The following NRG2 variants were observed in gnomAD, a reference collection of about 807,000 sequenced individuals.
The protein encoded by NRG2 is pro-neuregulin-2, membrane-bound isoform.
In NRG2, 27 loss-of-function variants were observed where a neutral mutation model predicts 73.9. That is an observed-to-expected ratio of 0.37 (90% CI 0.27 to 0.50). The LOEUF (loss-of-function observed/expected upper bound fraction) is 0.50. Among genes scored for constraint, NRG2 ranks in the 20% least tolerant of loss-of-function variants. The pLI, the probability that NRG2 is intolerant of heterozygous loss-of-function variation, is 0.96. For synonymous variants in NRG2, 532 were observed against 541.0 expected (o/e 0.98, Z 0.23); for missense variants, 1,126 against 1,210.1 (o/e 0.93, Z 1.03).
chr5:139,921,503 T>G (rs1190773085), intron 1 of NRG2, among the ~76,000 whole-genome samples: 1 of 151,870 alleles, frequency 6.6e-6, no homozygotes, highest in Non-Finnish European at 1.5e-5. Flanking sequence ...GCAAAGATAA[T>G]CTTTACACCC....
In NRG2 at chr5:139,859,916, G is replaced by T. The variant is rs575634275; in HGVS notation, c.1190-4138C>A. ...TTTAATTCAAATCCAAGGTGCTCTG[G>T]CAGTGCAGAAGAGCGAGGGTCACAA... On this transcript the variant is annotated intron_variant, in intron 5 of 9. Coordinates refer to ENST00000361474, the MANE Select transcript of NRG2 (RefSeq NM_004883.3). 66 of 1,607,136 alleles carry T rather than the reference G, an allele frequency of 4.1e-5. No individual in the cohort carries two copies. The African/African-American group carries it at 8.7e-4, about 21-fold the overall frequency.
At chr5:139,946,272 A>G (rs1753794052) in intron 1 of NRG2, among the ~76,000 whole-genome samples, 1 of 152,184 alleles carries the variant, frequency 6.6e-6, no homozygotes, top group Non-Finnish European at 1.5e-5. Context: ...GAAACAGATC[A>G]ATAGAATAAA....
chr5:139,854,441 A>G (rs1415447948), intron 6 of NRG2, among the ~76,000 whole-genome samples: 1 of 152,232 alleles, frequency 6.6e-6, no homozygotes, highest in Non-Finnish European at 1.5e-5. Flanking sequence ...CTGAGGCAGG[A>G]CCTGGTGTCC....
At chr5:139,981,088 C>A (rs1040094289) in intron 1 of NRG2, among the ~76,000 whole-genome samples, 2 of 152,174 alleles carry the variant, frequency 1.3e-5, no homozygotes, top group Admixed American at 6.5e-5. Context: ...GTGACTGATA[C>A]AGAGATGAGG....
intron 1 of NRG2, among the ~76,000 whole-genome samples, chr5:140,022,249 T>C (rs1012270958): frequency 1.6e-4 from 24 of 152,194 alleles, no homozygotes; most frequent in African/African-American, 5.8e-4. Flanking sequence ...TACTACCCAC[T>C]ACCAAAATCC....
intron 1 of NRG2, among the ~76,000 whole-genome samples, chr5:140,014,229 C>A (rs1373613307): frequency 7.0e-6 from 1 of 142,980 alleles, no homozygotes. Flanking sequence ...GGTAAAAAAG[C>A]TTGGATTTTT....
At chr5:139,861,787 A>G (rs754706709) in intron 5 of NRG2, 129 of 512,880 alleles carry the variant, frequency 2.5e-4, no homozygotes, top group Admixed American at 2.5e-3. Context: ...CCTCTCACTG[A>G]GTAGTTAATG....
At chr5:140,002,654 C>A (rs1758578939) in intron 1 of NRG2, among the ~76,000 whole-genome samples, 1 of 152,198 alleles carries the variant, frequency 6.6e-6, no homozygotes, top group Non-Finnish European at 1.5e-5. Context: ...GCAAGTGAGC[C>A]TTCAGTCATC....
chr5:139,952,537 C>T (rs953599838), intron 1 of NRG2, among the ~76,000 whole-genome samples: 3 of 152,152 alleles, frequency 2.0e-5, no homozygotes, highest in Non-Finnish European at 4.4e-5. Flanking sequence ...GGAGAAGGCT[C>T]CAGATTCATA....
At chr5:139,907,924 C>T (rs1462859778) in intron 1 of NRG2, among the ~76,000 whole-genome samples, 1 of 152,270 alleles carries the variant, frequency 6.6e-6, no homozygotes, top group African/African-American at 2.4e-5. Context: ...GGGACACGTA[C>T]TATCTGCCTC....
rs776204362 is a variant in NRG2 at position 140,042,533 on chromosome 5, C to T, written c.537G>A (p.Val179=). ...GCGGCACACAGGAGCCCACGCTGAT[C>T]ACCTGCTCGCGCTGCAGCCCCCCGC... ...LRSGGLQREQ[V]ISVGSCVPLE... Residue 179 remains valine, a synonymous_variant, in exon 1 of 10, where the codon GTG becomes GTA. Transcript: ENST00000361474. 2.5e-5 allele frequency: 41 copies of T among 1,612,860 alleles called. No homozygotes were observed. Among genetic ancestry groups the T allele is most frequent in the Non-Finnish European group, 3.4e-5 (40 of 1,179,566 alleles).
intron 5 of NRG2, among the ~76,000 whole-genome samples, chr5:139,857,214 C>T (rs943092850): frequency 3.9e-5 from 6 of 152,192 alleles, no homozygotes; most frequent in East Asian, 1.9e-4. Flanking sequence ...TCTTTTCTAC[C>T]GACTGGGAAG....
chr5:139,938,896 GAAA>G (rs1753090744), intron 1 of NRG2, among the ~76,000 whole-genome samples: 1 of 70,182 alleles, frequency 1.4e-5, no homozygotes, highest in Non-Finnish European at 2.7e-5. Flanking sequence ...AAGAAAGAAA[GAAA>G]GAAAGAAAAG....
intron 1 of NRG2, among the ~76,000 whole-genome samples, chr5:140,002,782 A>C (rs1193637152): frequency 8.5e-5 from 13 of 152,206 alleles, no homozygotes; most frequent in Admixed American, 8.5e-4. Flanking sequence ...CAAGGGTGGA[A>C]GCAGAGAGAC....
chr5:139,860,528 G>A (rs573162536), intron 5 of NRG2, among the ~76,000 whole-genome samples: 1 of 152,268 alleles, frequency 6.6e-6, no homozygotes, highest in South Asian at 2.1e-4. Context: ...AAGAGGATGA[G>A]GCTCCAGATA....
rs139548722 is a variant in NRG2 at position 139,947,832 on chromosome 5, T to C, written c.701-60321A>G. 4.2e-3 allele frequency among the ~76,000 whole-genome samples: 646 copies of C among 152,348 alleles called. 7 individuals carry two copies. The highest frequency in any genetic ancestry group is 0.015 in the African/African-American group (603 of 41,580). The stretch of plus-strand genomic sequence containing the variant: ...GTTGAACATACTTTCACATGCTTAT[T>C]GGCCATTTGTATAGCTCCTCTGGAG... On this transcript the variant is annotated intron_variant, in intron 1 of 9. Transcript: ENST00000361474.
chr5:140,004,489 GT>G (rs1433945959), intron 1 of NRG2, among the ~76,000 whole-genome samples: 1 of 152,156 alleles, frequency 6.6e-6, no homozygotes, highest in Non-Finnish European at 1.5e-5. Context: ...GATCAACAAG[GT>G]TATTGTCACC....
At chr5:139,987,239 G>A (rs977181731) in intron 1 of NRG2, among the ~76,000 whole-genome samples, 1 of 151,308 alleles carries the variant, frequency 6.6e-6, no homozygotes, top group African/African-American at 2.4e-5. Context: ...AATTAGCCGA[G>A]CGTGGCGGTG....
intron 1 of NRG2, among the ~76,000 whole-genome samples, chr5:139,934,958 A>G (rs1752737250): frequency 6.6e-6 from 1 of 152,216 alleles, no homozygotes; most frequent in South Asian, 2.1e-4. Flanking sequence ...TGAGGTCAGG[A>G]GTTCGAAACC....
Sources: gnomAD v4.1 joint callset for allele counts (sites outside exome capture counted in the v4.1 genomes callset) on GRCh38, gnomAD v4.1.1 for gene constraint, MANE v1.5 for transcripts, NCBI Gene and HGNC (gene_info 2026-07-23, HGNC 2026-07-21) for gene names.